The following WDR25 variants were observed in gnomAD, a reference collection of about 807,000 sequenced individuals.
WDR25 encodes WD repeat-containing protein 25.
In WDR25, 35 loss-of-function variants were observed where a neutral mutation model predicts 47.7. That is an observed-to-expected ratio of 0.73 (90% CI 0.56 to 0.97). The LOEUF (loss-of-function observed/expected upper bound fraction) is 0.97. Ranked by LOEUF, WDR25 falls within the 50% of genes least tolerant of loss-of-function variation. WDR25 has a pLI of 0.00. For synonymous variants in WDR25, 248 were observed against 278.9 expected (o/e 0.89, Z 1.10); for missense variants, 634 against 704.7 (o/e 0.90, Z 1.14).
At chr14:100,408,792 GT>G (rs1163065732) in intron 2 of WDR25, among the ~76,000 whole-genome samples, 5 of 152,122 alleles carry the variant, frequency 3.3e-5, no homozygotes, top group African/African-American at 1.2e-4. Context: ...TGGGTGTTTT[GT>G]TTTTGAAAAA....
rs1566920208 is a variant in WDR25, at chr14:100,459,896, A to ATATATATGTG, written c.823-8118_823-8117insGTGTATATAT. Among the ~76,000 whole-genome samples, 118 of 17,304 alleles carry ATATATATGTG rather than the reference A, an allele frequency of 6.8e-3. 1 individual carries two copies. The highest frequency in any genetic ancestry group is 0.013 in the African/African-American group (114 of 8,536). The allele number at this position is 17,304 out of a possible 152,430, so 11.4% of individuals were successfully genotyped here. ...TATATCCGTATATGTGTGTGTGTGT[A>ATATATATGTG]TATATATATATATATATATATATAT... On this transcript the variant is annotated intron_variant, in intron 2 of 6. Coordinates refer to ENST00000402312, the MANE Select transcript of WDR25 (RefSeq NM_001161476.3).
Position 100,389,232 on chromosome 14 carries a change from T to C in WDR25, c.822+7486T>C, listed in dbSNP as rs191114191. On this transcript the variant is annotated intron_variant, in intron 2 of 6. Coordinates refer to ENST00000402312, the MANE Select transcript of WDR25 (RefSeq NM_001161476.3). ...ACCCTTCATTCAAGCCTAATGACCATGAACATTTTGCAAGCAGCGTTTCCT... is the reference window on the plus strand; with the variant it reads ...ACCCTTCATTCAAGCCTAATGACCACGAACATTTTGCAAGCAGCGTTTCCT... Among the ~76,000 whole-genome samples, 209 of 152,324 alleles carry C rather than the reference T, an allele frequency of 1.4e-3. 2 individuals are homozygous for C. The highest frequency in any genetic ancestry group is 4.8e-3 in the African/African-American group (198 of 41,572).
intron 3 of WDR25, among the ~76,000 whole-genome samples, chr14:100,475,479 A>T (rs1346224455): frequency 3.3e-5 from 5 of 152,230 alleles, no homozygotes; most frequent in African/African-American, 1.2e-4. Context: ...CATTTTTGAC[A>T]ACATGGGTGA....
At chr14:100,474,832 A>C (rs1303379908) in intron 3 of WDR25, among the ~76,000 whole-genome samples, 1 of 152,232 alleles carries the variant, frequency 6.6e-6, no homozygotes, top group African/African-American at 2.4e-5. Flanking sequence ...CAGCAAAGGA[A>C]ACAGTTAACA....
At position 100,468,504 on chromosome 14, in the gene WDR25, T is replaced by C. The variant is rs1349489700; in HGVS notation, c.970+336T>C. Among the ~76,000 whole-genome samples the C allele has an allele frequency of 1.3e-5, 2 of 152,216 alleles. No homozygotes were observed. The highest frequency in any genetic ancestry group is 2.9e-5 in the Non-Finnish European group (2 of 68,038). ...AGATTTAACTTTATCATTGTGTCCT[T>C]TGGTTGGAATCAGGTTAGAATTCCT... On this transcript the variant is annotated intron_variant, in intron 3 of 6. Transcript: ENST00000402312. The surrounding 1 kb of genome is among the most constrained non-coding windows in gnomAD (Gnocchi z 4.5).
chr14:100,388,211 G>A (rs1453571631), intron 2 of WDR25, among the ~76,000 whole-genome samples: 1 of 152,234 alleles, frequency 6.6e-6, no homozygotes, highest in Non-Finnish European at 1.5e-5. Context: ...GGCGCAGCTG[G>A]GAAGGAGGTT....
rs982272423 is a variant in WDR25, at chr14:100,424,555, C to T, written c.822+42809C>T. 6.6e-6 allele frequency among the ~76,000 whole-genome samples: 1 copy of T among 152,216 alleles called. No individual in the cohort carries two copies. Among genetic ancestry groups the T allele is most frequent in the African/African-American group, 2.4e-5 (1 of 41,456 alleles). On this transcript the variant is annotated intron_variant, in intron 2 of 6. Coordinates refer to ENST00000402312, the MANE Select transcript of WDR25 (RefSeq NM_001161476.3). This position sits in a 1 kb window ranked among gnomAD's most constrained non-coding sequence, Gnocchi z 4.2. ...CCAGGTGTGACATGCCTGTGCTCAG[C>T]CAAGGGGTTTAACTGCCTGTGGAGT...
chr14:100,478,441 T>C (rs554747735), intron 3 of WDR25, among the ~76,000 whole-genome samples: 1 of 152,356 alleles, frequency 6.6e-6, no homozygotes, highest in African/African-American at 2.4e-5. Flanking sequence ...TGCCAGATAA[T>C]GATGGCTATG....
At chr14:100,397,067 C>G (rs1397213523) in intron 2 of WDR25, among the ~76,000 whole-genome samples, 3 of 152,214 alleles carry the variant, frequency 2.0e-5, no homozygotes, top group African/African-American at 7.2e-5. Flanking sequence ...CCCCTCATGC[C>G]CTTGGCTCTG....
At chr14:100,521,523 C>T (rs2029878081) in intron 4 of WDR25, among the ~76,000 whole-genome samples, 1 of 152,168 alleles carries the variant, frequency 6.6e-6, no homozygotes, top group Non-Finnish European at 1.5e-5. Flanking sequence ...AGTTTTTTCT[C>T]CCACTTTGAA....
Position 100,440,079 on chromosome 14 carries a change from AT to A in WDR25, c.823-27938del, listed in dbSNP as rs1428484212. On this transcript the variant is annotated intron_variant, in intron 2 of 6. Coordinates refer to ENST00000402312, the MANE Select transcript of WDR25 (RefSeq NM_001161476.3). The surrounding 1 kb of genome is among the most constrained non-coding windows in gnomAD (Gnocchi z 4.4). ...GAGCGTCCCTAAAAGCAGCATAGTCATTTTCGAGTCACTCTCTGATAAAGAT... is the reference window on the plus strand; with the variant it reads ...GAGCGTCCCTAAAAGCAGCATAGTCATTTCGAGTCACTCTCTGATAAAGAT... Among the ~76,000 whole-genome samples the A allele has an allele frequency of 6.6e-6, 1 of 152,184 alleles. No individual in the cohort carries two copies. Among genetic ancestry groups the A allele is most frequent in the East Asian group, 1.9e-4 (1 of 5,188 alleles).
chr14:100,418,868 C>T (rs1897949757), intron 2 of WDR25, among the ~76,000 whole-genome samples: 1 of 152,080 alleles, frequency 6.6e-6, no homozygotes, highest in South Asian at 2.1e-4. Context: ...CCCACAATTC[C>T]TGTGACTCCC....
intron 2 of WDR25, among the ~76,000 whole-genome samples, chr14:100,398,596 T>A (rs929549635): frequency 6.6e-6 from 1 of 151,794 alleles, no homozygotes; most frequent in African/African-American, 2.4e-5. Context: ...CATAACCTGG[T>A]GCATTTATCA....
At chr14:100,505,591 T>A (rs1287436479) in intron 4 of WDR25, among the ~76,000 whole-genome samples, 2 of 152,224 alleles carry the variant, frequency 1.3e-5, no homozygotes, top group Non-Finnish European at 2.9e-5. Flanking sequence ...GTATTTCAAT[T>A]TTACAATCAA....
chr14:100,391,190 C>T (rs1897137015), intron 2 of WDR25, among the ~76,000 whole-genome samples: 1 of 152,076 alleles, frequency 6.6e-6, no homozygotes, highest in South Asian at 2.1e-4. Flanking sequence ...TTGTCCATGG[C>T]TCTAGAGCAT....
intron 3 of WDR25, among the ~76,000 whole-genome samples, chr14:100,474,625 C>A (rs1899957350): frequency 6.6e-6 from 1 of 152,198 alleles, no homozygotes; most frequent in Non-Finnish European, 1.5e-5. Flanking sequence ...ACTAGTAAAG[C>A]ACTGGGATAC....
At chr14:100,391,377 G>A (rs1398629579) in intron 2 of WDR25, among the ~76,000 whole-genome samples, 1 of 152,154 alleles carries the variant, frequency 6.6e-6, no homozygotes, top group Non-Finnish European at 1.5e-5. Flanking sequence ...AAGGAGCAGC[G>A]CCGCGGTCCC....
At chr14:100,469,051 G>A (rs1899740704) in intron 3 of WDR25, among the ~76,000 whole-genome samples, 1 of 152,082 alleles carries the variant, frequency 6.6e-6, no homozygotes, top group South Asian at 2.1e-4. Context: ...TTTCTGCTGG[G>A]CTCCACTGCC....
chr14:100,514,126 T>C (rs923759975), intron 4 of WDR25, among the ~76,000 whole-genome samples: 17 of 151,336 alleles, frequency 1.1e-4, no homozygotes, highest in South Asian at 6.3e-4. Context: ...TTAGTAGAGA[T>C]GGGGTTTCAC....
Sources: allele counts gnomAD v4.1 joint callset (sites outside exome capture counted in the v4.1 genomes callset), GRCh38; gene constraint gnomAD v4.1.1; non-coding constraint Gnocchi (gnomAD v3.1); transcripts MANE v1.5; gene names NCBI Gene and HGNC (gene_info 2026-07-23, HGNC 2026-07-21).